The following LHPP variants were observed in gnomAD, a reference collection of about 807,000 sequenced individuals.
LHPP encodes the protein phospholysine phosphohistidine inorganic pyrophosphate phosphatase.
Under a neutral mutation model 30.3 loss-of-function variants are expected in LHPP, and 24 were observed. That is an observed-to-expected ratio of 0.79 (90% CI 0.57 to 1.11). The LOEUF is 1.11. LHPP is among the 50% of genes most tolerant of loss of function. LHPP has a pLI of 0.00. For synonymous variants in LHPP, 150 were observed against 157.1 expected, an observed-to-expected ratio of 0.95 and a Z score of 0.34; for missense variants, 356 against 367.2, an observed-to-expected ratio of 0.97 and a Z score of 0.25.
chr10:124,613,447 C>CTCT lies in LHPP; in HGVS notation c.*87_*88insTCT. 2 of 903,246 alleles carry CTCT rather than the reference C, an allele frequency of 2.2e-6. No homozygotes were observed. The highest frequency in any genetic ancestry group is 3.5e-6 in the Non-Finnish European group (2 of 572,524). The allele number at this position is 903,246 out of a possible 1,614,324, so 56.0% of individuals were successfully genotyped here. ...CCACCCCTGCCTCTCCTCCACCCGCCCAGGAGAGCCCCACCTCCTCCACCC... is the reference window on the plus strand; with the variant it reads ...CCACCCCTGCCTCTCCTCCACCCGCCTCTCAGGAGAGCCCCACCTCCTCCACCC... On this transcript the variant is annotated 3_prime_UTR_variant, in exon 7 of 7. Coordinates refer to ENST00000368842, the MANE Select transcript of LHPP (RefSeq NM_022126.4).
intron 6 of LHPP, among the ~76,000 whole-genome samples, chr10:124,601,367 G>C (rs1490432407): frequency 6.6e-6 from 1 of 152,226 alleles, no homozygotes; most frequent in Non-Finnish European, 1.5e-5. Flanking sequence ...TCCTAGGTTT[G>C]AAAAGTTCTA....
At chr10:124,572,013 C>T (rs1225446239) in intron 6 of LHPP, among the ~76,000 whole-genome samples, 35 of 152,146 alleles carry the variant, frequency 2.3e-4, no homozygotes, top group Non-Finnish European at 1.5e-5. Context: ...GGTGAGGAAA[C>T]AGCCACTGCA....
At chr10:124,594,980 A>G (rs548624819) in intron 6 of LHPP, among the ~76,000 whole-genome samples, 1 of 152,298 alleles carries the variant, frequency 6.6e-6, no homozygotes, top group African/African-American at 2.4e-5. Context: ...CTCCCCAGCC[A>G]TGTGGAGTTG....
At chr10:124,607,142 G>C (rs7911414) in intron 6 of LHPP, among the ~76,000 whole-genome samples, 1 of 151,950 alleles carries the variant, frequency 6.6e-6, no homozygotes, top group Non-Finnish European at 1.5e-5. Flanking sequence ...CACCCTCTCC[G>C]CTCTGTACCC....
At chr10:124,533,846 G>T (rs960100942) in intron 6 of LHPP, among the ~76,000 whole-genome samples, 12 of 151,710 alleles carry the variant, frequency 7.9e-5, no homozygotes, top group African/African-American at 2.7e-4. Context: ...CCAAGTGTGT[G>T]CCTGGAGTGA....
In LHPP at chr10:124,523,236, C is replaced by G. The variant is rs1034291664; in HGVS notation, c.716+5965C>G. ...TTGCCCTTCGGAGAGGGAAAGTTTC[C>G]TGGACCGTGATTCCCGACATCCTGC... On this transcript the variant is annotated intron_variant, in intron 6 of 6. Coordinates refer to ENST00000368842, the MANE Select transcript of LHPP (RefSeq NM_022126.4). This position sits in a 1 kb window ranked among gnomAD's most constrained non-coding sequence, Gnocchi z 4.2. Among the ~76,000 whole-genome samples the G allele has an allele frequency of 2.6e-5, 4 of 152,248 alleles. No homozygotes were observed. Among genetic ancestry groups the G allele is most frequent in the Non-Finnish European group, 5.9e-5 (4 of 68,042 alleles).
At chr10:124,589,254 C>T (rs750139394) in intron 6 of LHPP, among the ~76,000 whole-genome samples, 9 of 152,246 alleles carry the variant, frequency 5.9e-5, no homozygotes, top group Admixed American at 5.2e-4. Context: ...TGGCCGTGCT[C>T]GCAGCCTGAT....
chr10:124,574,763 C>T (rs1948636873), intron 6 of LHPP, among the ~76,000 whole-genome samples: 1 of 152,052 alleles, frequency 6.6e-6, no homozygotes, highest in African/African-American at 2.4e-5. Context: ...GTCGGAGGTC[C>T]AGAGGTGGGA....
chr10:124,531,563 C>T (rs577571991), intron 6 of LHPP, among the ~76,000 whole-genome samples: 1 of 152,328 alleles, frequency 6.6e-6, no homozygotes, highest in East Asian at 1.9e-4. Context: ...TCCCTGTCCT[C>T]GCCTCAGTTC....
chr10:124,552,101 G>A (rs1039289057), intron 6 of LHPP, among the ~76,000 whole-genome samples: 4 of 151,952 alleles, frequency 2.6e-5, no homozygotes, highest in Non-Finnish European at 5.9e-5. Flanking sequence ...AGAATGGCAG[G>A]GCCTGGCACT....
intron 6 of LHPP, among the ~76,000 whole-genome samples, chr10:124,566,304 T>C (rs1162781913): frequency 1.3e-5 from 2 of 152,116 alleles, no homozygotes; most frequent in Non-Finnish European, 2.9e-5. Flanking sequence ...GGAGGGGTTG[T>C]CCTTTCCCCC....
At chr10:124,518,339 C>T (rs1162376852) in intron 6 of LHPP, among the ~76,000 whole-genome samples, 1 of 152,242 alleles carries the variant, frequency 6.6e-6, no homozygotes, top group African/African-American at 2.4e-5. Flanking sequence ...TCACAAGCCA[C>T]AGGAACGTTT....
chr10:124,525,904 C>T (rs1043314418), intron 6 of LHPP, among the ~76,000 whole-genome samples: 9 of 152,156 alleles, frequency 5.9e-5, no homozygotes, highest in Admixed American at 1.3e-4. Context: ...GTGGGAAAAC[C>T]GGTGGGCTGA....
At chr10:124,526,191 G>A in intron 6 of LHPP, 2 of 985,368 alleles carry the variant, frequency 2.0e-6, no homozygotes, top group Non-Finnish European at 2.4e-6. Context: ...TCTGGACCTG[G>A]TGCTCACACG....
intron 1 of LHPP, among the ~76,000 whole-genome samples, chr10:124,471,721 T>C (rs61861924): frequency 5.9e-5 from 1 of 17,094 alleles, no homozygotes; most frequent in Non-Finnish European, 1.5e-4. Context: ...GTATATATAT[T>C]TATGTATATA....
chr10:124,563,981 C>T (rs907642725), intron 6 of LHPP, among the ~76,000 whole-genome samples: 2 of 152,104 alleles, frequency 1.3e-5, no homozygotes, highest in Non-Finnish European at 2.9e-5. Flanking sequence ...ATGGAATGCT[C>T]TGTCACCCAG....
At chr10:124,530,502 A>G (rs1954869870) in intron 6 of LHPP, among the ~76,000 whole-genome samples, 2 of 151,170 alleles carry the variant, frequency 1.3e-5, no homozygotes, top group South Asian at 4.2e-4. Context: ...ACAGGTGCCC[A>G]CTCTCATGCT....
chr10:124,529,927 A>G (rs1006404631), intron 6 of LHPP, among the ~76,000 whole-genome samples: 14 of 152,192 alleles, frequency 9.2e-5, no homozygotes, highest in African/African-American at 3.1e-4. Context: ...AGCCCTGCAG[A>G]TGCGGTGTGA....
At chr10:124,581,030 A>G (rs1325634430) in intron 6 of LHPP, among the ~76,000 whole-genome samples, 1 of 152,062 alleles carries the variant, frequency 6.6e-6, no homozygotes, top group South Asian at 2.1e-4. Flanking sequence ...GGCTATTTTC[A>G]TTACCCCCAA....
Sources: gnomAD v4.1 joint callset for allele counts (sites outside exome capture counted in the v4.1 genomes callset) on GRCh38, gnomAD v4.1.1 for gene constraint, Gnocchi (gnomAD v3.1) non-coding constraint, MANE v1.5 for transcripts, NCBI Gene and HGNC (gene_info 2026-07-23, HGNC 2026-07-21) for gene names.